FAM227B: variants seen among roughly 807,000 people sequenced by gnomAD.
The protein encoded by FAM227B is family with sequence similarity 227 member B, also known as protein FAM227B.
FAM227B carries 88 observed loss-of-function variants against 73.8 expected under a neutral mutation model. The observed-to-expected ratio is 1.19, with a 90% CI of 1.00 to 1.42. FAM227B has a LOEUF of 1.42. Ranked by LOEUF, FAM227B falls within the 40% of genes most tolerant of loss-of-function variation. The probability of loss-of-function intolerance (pLI) is 0.00; values close to 1 mark genes in which losing one functional copy is unlikely to be tolerated. For synonymous variants in FAM227B, 210 were observed against 190.5 expected (o/e 1.10, Z -0.84); for missense variants, 632 against 590.9 (o/e 1.07, Z -0.72).
chr15:49,540,943 T>C (rs1360103629), intron 10 of FAM227B, among the ~76,000 whole-genome samples: 2 of 152,128 alleles, frequency 1.3e-5, no homozygotes, highest in Non-Finnish European at 2.9e-5. Flanking sequence ...TCTCAAAGGC[T>C]CCCTCCATAA....
chr15:49,605,076 G>A (rs1330618061), intron 3 of FAM227B, among the ~76,000 whole-genome samples: 1 of 151,940 alleles, frequency 6.6e-6, no homozygotes, highest in Non-Finnish European at 1.5e-5. Context: ...TGTTACTTTG[G>A]TGATGTCATG....
chr15:49,586,649 G>A (rs933016978), intron 5 of FAM227B, among the ~76,000 whole-genome samples: 5 of 151,968 alleles, frequency 3.3e-5, no homozygotes, highest in African/African-American at 1.2e-4. Flanking sequence ...ATCTTACAAA[G>A]GTCTAATATC....
intron 11 of FAM227B, among the ~76,000 whole-genome samples, chr15:49,420,688 T>A (rs185073080): frequency 6.6e-6 from 1 of 152,274 alleles, no homozygotes; most frequent in East Asian, 1.9e-4. Flanking sequence ...ATATTATACA[T>A]GATTATGAAC....
In FAM227B at chr15:49,333,534, C is replaced by T. The variant is rs1596237259; in HGVS notation, c.1350-1685G>A. Among the ~76,000 whole-genome samples the T allele has an allele frequency of 2.6e-5, 4 of 152,262 alleles. No individual in the cohort carries two copies. The South Asian group carries it at 6.2e-4, about 24-fold the overall frequency. ...TTGTAAGAGTCACCCGGAATGGAAC[C>T]TTGTAACAGGTGTTGTGAAGCAGAA... On this transcript the variant is annotated intron_variant, in intron 14 of 15. Transcript: ENST00000299338.
intron 13 of FAM227B, among the ~76,000 whole-genome samples, chr15:49,360,993 C>G (rs917869652): frequency 1.3e-5 from 2 of 152,042 alleles, no homozygotes; most frequent in African/African-American, 2.4e-5. Context: ...AGGCAAATCA[C>G]TCCTTATCAA....
chr15:49,398,314 T>C lies in FAM227B; in HGVS notation c.1013-26915A>G, dbSNP rs1273660024. ...AAGAGCTAACTATCCTAAATATATA[T>C]GCACCCAATACAGGAGCACCAAGAT... On this transcript the variant is annotated intron_variant, in intron 11 of 15. Transcript: ENST00000299338. Among the ~76,000 whole-genome samples the C allele has an allele frequency of 3.4e-5, 5 of 149,080 alleles. No individual in the cohort carries two copies. The South Asian group carries it at 8.7e-4, about 26-fold the overall frequency.
intron 13 of FAM227B, among the ~76,000 whole-genome samples, chr15:49,351,825 C>A (rs2042295626): frequency 6.6e-6 from 1 of 152,178 alleles, no homozygotes; most frequent in Non-Finnish European, 1.5e-5. Context: ...GGAGCCAGAT[C>A]TTTGTACATC....
intron 10 of FAM227B, among the ~76,000 whole-genome samples, chr15:49,538,880 T>G (rs1037074243): frequency 6.6e-6 from 1 of 152,016 alleles, no homozygotes; most frequent in African/African-American, 2.4e-5. Context: ...TGTGTTCTCT[T>G]TTTAGTTAAC....
At chr15:49,365,419 G>T in intron 13 of FAM227B, 1 of 1,005,372 alleles carries the variant, frequency 9.9e-7, no homozygotes, top group Non-Finnish European at 1.6e-6. Context: ...CTCTTCTACA[G>T]TACGCAAGCA....
intron 13 of FAM227B, chr15:49,366,273 C>A: frequency 1.3e-6 from 1 of 786,658 alleles, no homozygotes. Flanking sequence ...CTTATAAATG[C>A]AATCAGTATT....
chr15:49,516,038 C>T (rs1229418523), intron 10 of FAM227B, among the ~76,000 whole-genome samples: 2 of 152,106 alleles, frequency 1.3e-5, no homozygotes, highest in East Asian at 1.9e-4. Flanking sequence ...CCTGGCCTCA[C>T]AAGTAGAGGG....
At chr15:49,590,050 T>A (rs1455437506) in intron 3 of FAM227B, 43 bp from the exon 4 acceptor site, 1 of 1,006,984 alleles carries the variant, frequency 9.9e-7, no homozygotes, top group Non-Finnish European at 1.6e-6. Flanking sequence ...AAGTCATTTT[T>A]AATGAATTTA....
chr15:49,474,270 C>A, intron 11 of FAM227B, among the ~76,000 whole-genome samples: 1 of 152,040 alleles, frequency 6.6e-6, no homozygotes, highest in East Asian at 1.9e-4. Context: ...GGAATTCATA[C>A]CGTATGAGAA....
At chr15:49,488,183 G>T (rs568744006) in intron 11 of FAM227B, 1 of 151,790 alleles carries the variant, frequency 6.6e-6, no homozygotes, top group Non-Finnish European at 1.5e-5. Flanking sequence ...TCTATTAACT[G>T]GTCTCTCTGG....
At position 49,328,230 on chromosome 15, in the gene FAM227B, A is replaced by AAATT. The variant is rs1324570526; in HGVS notation, c.*334_*337dup. 1.4e-4 allele frequency: 212 copies of AAATT among 1,517,496 alleles called. No homozygotes were observed. The highest frequency in any genetic ancestry group is 1.9e-4 in the Admixed American group (9 of 46,206). The allele number at this position is 1,517,496 out of a possible 1,614,324, so 94.0% of individuals were successfully genotyped here. On this transcript the variant is annotated 3_prime_UTR_variant, in exon 16 of 16. Coordinates refer to ENST00000299338, the MANE Select transcript of FAM227B (RefSeq NM_152647.3). ...TTGGCAGGACTTTCTGTGCCACAGT[A>AAATT]AATTAATCTTCCTTCTGTTTTGTAT...
At chr15:49,615,636 T>C (rs889443881) in intron 1 of FAM227B, among the ~76,000 whole-genome samples, 4 of 152,164 alleles carry the variant, frequency 2.6e-5, no homozygotes, top group Non-Finnish European at 5.9e-5. Context: ...CAGCCATGCT[T>C]CCTGTACAGC....
intron 4 of FAM227B, among the ~76,000 whole-genome samples, chr15:49,589,541 TTA>T (rs2076394947): frequency 1.2e-5 from 1 of 86,268 alleles, no homozygotes; most frequent in African/African-American, 4.1e-5. Context: ...CTTTATGAGA[TTA>T]CACACACACA....
intron 13 of FAM227B, among the ~76,000 whole-genome samples, chr15:49,351,542 T>C (rs1156790676): frequency 2.0e-5 from 3 of 152,224 alleles, no homozygotes; most frequent in South Asian, 4.1e-4. Context: ...AATCAATGGA[T>C]TGTTTTCTCT....
intron 11 of FAM227B, among the ~76,000 whole-genome samples, chr15:49,481,484 T>C (rs560316066): frequency 1.3e-5 from 2 of 152,236 alleles, no homozygotes; most frequent in Non-Finnish European, 2.9e-5. Context: ...AAGCCTAGCA[T>C]AGAATTGGCT....
Sources: allele counts gnomAD v4.1 joint callset (sites outside exome capture counted in the v4.1 genomes callset), GRCh38; gene constraint gnomAD v4.1.1; transcripts MANE v1.5; gene names NCBI Gene and HGNC (gene_info 2026-07-23, HGNC 2026-07-21).